The following UBE2E3 variants were observed in gnomAD, a reference collection of about 807,000 sequenced individuals.
UBE2E3 encodes ubiquitin-conjugating enzyme E2 E3.
In UBE2E3, 5 loss-of-function variants were observed where a neutral mutation model predicts 23.6. The ratio of observed to expected loss-of-function variants is 0.21; its 90% CI spans 0.11 to 0.44. UBE2E3 has a LOEUF of 0.44. Ranked by LOEUF, UBE2E3 falls within the 20% of genes least tolerant of loss-of-function variation. The pLI, the probability that UBE2E3 is intolerant of heterozygous loss-of-function variation, is 0.99. For missense variants in UBE2E3, 81 were observed against 249.8 expected (o/e 0.32, Z 4.55); for synonymous variants, 78 against 87.5 (o/e 0.89, Z 0.60).
chr2:181,035,778 G>T (rs1044307401), intron 3 of UBE2E3, among the ~76,000 whole-genome samples: 2 of 152,046 alleles, frequency 1.3e-5, no homozygotes, highest in African/African-American at 4.8e-5. Flanking sequence ...GGACACCCCT[G>T]ATATATAGTT....
chr2:181,060,861 CTTTTTTTT>C (rs71029902), intron 5 of UBE2E3, 49 bp downstream of exon 5: 3,583 of 248,890 alleles, frequency 0.014, 107 homozygotes, highest in Middle Eastern at 0.022. Context: ...AAAACGAGTG[CTTTTTTTT>C]TTTTTTTTTT....
chr2:181,018,589 A>C (rs1389534105), intron 3 of UBE2E3, among the ~76,000 whole-genome samples: 1 of 134,610 alleles, frequency 7.4e-6, no homozygotes, highest in African/African-American at 2.8e-5. Flanking sequence ...ATTTTGTTTC[A>C]ATTTCTGTGT....
At chr2:181,022,131 G>A (rs1685722112) in intron 3 of UBE2E3, among the ~76,000 whole-genome samples, 1 of 152,156 alleles carries the variant, frequency 6.6e-6, no homozygotes, top group Non-Finnish European at 1.5e-5. Context: ...AAACTTTGAT[G>A]TCCTATGATT....
chr2:181,046,490 G>A (rs764889230), intron 3 of UBE2E3, among the ~76,000 whole-genome samples: 1 of 152,060 alleles, frequency 6.6e-6, no homozygotes, highest in Non-Finnish European at 1.5e-5. Flanking sequence ...ACTGTTAGTT[G>A]TATTTTACCT....
At chr2:181,000,110 A>G (rs992651962) in intron 3 of UBE2E3, among the ~76,000 whole-genome samples, 17 of 152,270 alleles carry the variant, frequency 1.1e-4, no homozygotes, top group African/African-American at 4.1e-4. Flanking sequence ...ATTTAACCCA[A>G]TTTCTAGATG....
At chr2:181,001,658 T>C (rs542551942) in intron 3 of UBE2E3, among the ~76,000 whole-genome samples, 1 of 152,254 alleles carries the variant, frequency 6.6e-6, no homozygotes, top group East Asian at 1.9e-4. Flanking sequence ...TTCTTACATG[T>C]AAAGGCCATA....
intron 3 of UBE2E3, among the ~76,000 whole-genome samples, chr2:181,055,299 G>A (rs758421182): frequency 7.3e-5 from 11 of 151,662 alleles, no homozygotes; most frequent in Non-Finnish European, 1.6e-4. Flanking sequence ...ATTCTTATTG[G>A]CATCACTCAC....
chr2:181,052,466 A>G (rs1686869929), intron 3 of UBE2E3, among the ~76,000 whole-genome samples: 1 of 151,932 alleles, frequency 6.6e-6, no homozygotes, highest in Non-Finnish European at 1.5e-5. Flanking sequence ...CAAGTTTGCT[A>G]GAGTCTGTGT....
intron 3 of UBE2E3, among the ~76,000 whole-genome samples, chr2:181,002,592 A>AG (rs1408039984): frequency 6.6e-6 from 1 of 152,240 alleles, no homozygotes; most frequent in Non-Finnish European, 1.5e-5. Flanking sequence ...TTTAAAACAA[A>AG]GGAAATGAAT....
intron 3 of UBE2E3, among the ~76,000 whole-genome samples, chr2:180,998,941 T>TA: frequency 6.6e-6 from 1 of 152,354 alleles, no homozygotes; most frequent in South Asian, 2.1e-4. Context: ...TTTATTAAAT[T>TA]ACTTTTCTCT....
chr2:181,011,853 C>G (rs1288386137), intron 3 of UBE2E3, among the ~76,000 whole-genome samples: 1 of 152,152 alleles, frequency 6.6e-6, no homozygotes, highest in Admixed American at 6.6e-5. Flanking sequence ...TAAGGATGGA[C>G]TGTAACATTT....
At chr2:181,047,186 A>G (rs962560203) in intron 3 of UBE2E3, among the ~76,000 whole-genome samples, 5 of 152,102 alleles carry the variant, frequency 3.3e-5, no homozygotes, top group Non-Finnish European at 7.4e-5. Context: ...TCATGTAATT[A>G]ATCTCTCCTC....
intron 3 of UBE2E3, among the ~76,000 whole-genome samples, chr2:181,038,194 A>C (rs2105660201): frequency 6.6e-6 from 1 of 152,226 alleles, no homozygotes; most frequent in South Asian, 2.1e-4. Flanking sequence ...TTTATCTTTT[A>C]TATCATTTTT....
At chr2:181,048,725 G>A (rs944079779) in intron 3 of UBE2E3, among the ~76,000 whole-genome samples, 1 of 151,958 alleles carries the variant, frequency 6.6e-6, no homozygotes, top group Non-Finnish European at 1.5e-5. Context: ...AAATAAATAT[G>A]ATTCTTTCTA....
At chr2:181,024,578 G>C (rs1371539202) in intron 3 of UBE2E3, among the ~76,000 whole-genome samples, 1 of 152,004 alleles carries the variant, frequency 6.6e-6, no homozygotes, top group Non-Finnish European at 1.5e-5. Context: ...TGATTATTAA[G>C]ATGTAATGGT....
chr2:181,037,395 T>G (rs1220024137), intron 3 of UBE2E3, among the ~76,000 whole-genome samples: 1 of 152,146 alleles, frequency 6.6e-6, no homozygotes, highest in Non-Finnish European at 1.5e-5. Context: ...TATGTGTATG[T>G]TATTGCTCAT....
At chr2:180,992,883 A>G (rs1277111617) in intron 3 of UBE2E3, among the ~76,000 whole-genome samples, 1 of 151,824 alleles carries the variant, frequency 6.6e-6, no homozygotes, top group African/African-American at 2.4e-5. Context: ...TCAGGCTGGG[A>G]TTTGCTTTTT....
At chr2:181,056,032 A>G (rs1686978447) in intron 3 of UBE2E3, among the ~76,000 whole-genome samples, 1 of 151,296 alleles carries the variant, frequency 6.6e-6, no homozygotes, top group African/African-American at 2.4e-5. Context: ...CTTTGGAAAA[A>G]TGTTTGATTC....
intron 3 of UBE2E3, among the ~76,000 whole-genome samples, chr2:181,031,396 T>A (rs1686072801): frequency 6.6e-6 from 1 of 152,210 alleles, no homozygotes; most frequent in Non-Finnish European, 1.5e-5. Flanking sequence ...TTTGCTGTAT[T>A]ACTATACCTT....
Sources: allele counts gnomAD v4.1 joint callset (sites outside exome capture counted in the v4.1 genomes callset), GRCh38; gene constraint gnomAD v4.1.1; transcripts MANE v1.5; gene names NCBI Gene and HGNC (gene_info 2026-07-23, HGNC 2026-07-21).